Variants in ZXDC observed in about 807,000 individuals in gnomAD.
The protein encoded by ZXDC is ZXD family zinc finger C, also known as zinc finger protein ZXDC.
Under a neutral mutation model 63.6 loss-of-function variants are expected in ZXDC, and 58 were observed. The ratio of observed to expected loss-of-function variants is 0.91; its 90% CI spans 0.74 to 1.13. The LOEUF is 1.13. ZXDC is among the 50% of genes most tolerant of loss of function. The pLI is 0.00. For missense variants in ZXDC, 1,133 were observed against 1,148.9 expected (o/e 0.99, Z 0.20); for synonymous variants, 561 against 496.1 (o/e 1.13, Z -1.74).
chr3:126,451,391 C>T, intron 7 of ZXDC: 1 of 985,402 alleles, frequency 1.0e-6, no homozygotes, highest in Non-Finnish European at 1.2e-6. Context: ...ATATTATAAA[C>T]AGTCCCGCAC....
At chr3:126,468,731 G>A (rs1091370) in intron 4 of ZXDC, among the ~76,000 whole-genome samples, 86,588 of 151,912 alleles carry the variant, frequency 0.57, 26,267 homozygotes, top group South Asian at 0.74. Flanking sequence ...AGTGACCCAC[G>A]GAACCTCATC....
At position 126,475,782 on chromosome 3, in the gene ZXDC, TG is replaced by T. The variant is rs2107665444; in HGVS notation, c.83del (p.Pro28GlnfsTer96). 8.9e-7 allele frequency: 1 copy of T among 1,121,686 alleles called. No homozygotes were observed. The highest frequency in any genetic ancestry group is 1.1e-6 in the Non-Finnish European group (1 of 919,368). The allele number at this position is 1,121,686 out of a possible 1,614,324, so 69.5% of individuals were successfully genotyped here. A position where few individuals can be genotyped will look rare whatever the true frequency, so the allele number is the denominator to read the frequency against. ...GGGPGPLRRA[P>X]APLGASPARR... ...GCGCGGGGCTCGCGCCGAGCGGCGC[TG>T]GGGCTCGGCGGAGCGGGCCGGGGCC... On this transcript the variant is annotated frameshift_variant, in exon 1 of 10. Coordinates refer to ENST00000389709, the MANE Select transcript of ZXDC (RefSeq NM_025112.5). LOFTEE classifies it high-confidence loss of function.
intron 4 of ZXDC, among the ~76,000 whole-genome samples, chr3:126,466,658 T>A (rs1576686792): frequency 6.6e-6 from 1 of 152,334 alleles, no homozygotes; most frequent in East Asian, 1.9e-4. Flanking sequence ...GCTTAAATAT[T>A]CAGTTGAAAA....
chr3:126,467,149 G>T (rs568697185), intron 4 of ZXDC, among the ~76,000 whole-genome samples: 63 of 152,194 alleles, frequency 4.1e-4, no homozygotes, highest in African/African-American at 1.5e-3. Flanking sequence ...GCAGAAAAGC[G>T]GTCTCAGGAG....
chr3:126,439,885 TG>T, intron 8 of ZXDC, 158 bp from the exon 9 acceptor site: 1 of 1,435,754 alleles, frequency 7.0e-7, no homozygotes, highest in Non-Finnish European at 9.1e-7. Flanking sequence ...GAATTGTTTA[TG>T]GGGGCTGGGT....
At position 126,446,041 on chromosome 3, in the gene ZXDC, A is replaced by G. The variant is rs533830973; in HGVS notation, c.2213-4095T>C. On this transcript the variant is annotated intron_variant, in intron 7 of 9. Transcript: ENST00000389709. ...AGGGCGCCATGGCATCAAATGCAAT[A>G]TGATCAATTTAATTAATAAAGCAGT... 1.1e-3 allele frequency among the ~76,000 whole-genome samples: 170 copies of G among 152,334 alleles called. 1 individual carries two copies. The highest frequency in any genetic ancestry group is 1.6e-3 in the Non-Finnish European group (112 of 68,028).
intron 7 of ZXDC, 125 bp from the exon 8 acceptor site, chr3:126,442,071 C>A (rs182913838): frequency 2.0e-5 from 23 of 1,127,132 alleles, no homozygotes; most frequent in Non-Finnish European, 3.4e-6. Context: ...AGCTAAGAGA[C>A]GTAAAATCAC....
rs746994690 is a variant in ZXDC, at chr3:126,475,508, C to T, written c.358G>A (p.Gly120Ser). The change falls in exon 1 of 10, where the codon GGC becomes AGC. Residue 120 changes from glycine to serine, a missense_variant. By Grantham distance (56) the Gly-to-Ser change is moderately conservative. Coordinates refer to ENST00000389709, the MANE Select transcript of ZXDC (RefSeq NM_025112.5). ...GCGCCCGCCGGGGCTACGCCAGGGC[C>T]GGGGGGGGCGGCCGGGCCGCTGGGG... The part of the protein sequence containing the change: ...QGPSGPAAPP[G>S]PGVAPAGAVT... The T allele has an allele frequency of 2.4e-6, 3 of 1,243,754 alleles. No homozygotes were observed. The highest frequency in any genetic ancestry group is 2.0e-6 in the Non-Finnish European group (2 of 996,734). The allele number at this position is 1,243,754 out of a possible 1,614,324, so 77.0% of individuals were successfully genotyped here.
chr3:126,443,342 C>G (rs914562146), intron 7 of ZXDC: 1 of 152,222 alleles, frequency 6.6e-6, no homozygotes, highest in Non-Finnish European at 1.5e-5. Flanking sequence ...TTGCTTCAGA[C>G]AGAAGAGCAG....
In ZXDC at chr3:126,475,305, G is replaced by C; in HGVS notation, c.561C>G (p.Ala187=). The stretch of plus-strand genomic sequence containing the variant: ...GGTGCACCTTGAGCTGGTGCTTCTT[G>C]GCGAAGGCCAGCGCGCACTGCGGCT... ...CPEPQCALAF[A]KKHQLKVHLL... is the part of the protein sequence containing the mutation. The change falls in exon 1 of 10, where the codon GCC becomes GCG. Residue 187 remains alanine (A), a synonymous_variant. Transcript: ENST00000389709. 6.5e-7 allele frequency: 1 copy of C among 1,548,904 alleles called. No individual in the cohort carries two copies. Among genetic ancestry groups the C allele is most frequent in the Non-Finnish European group, 8.7e-7 (1 of 1,146,154 alleles).
chr3:126,459,816 A>G lies in ZXDC; in HGVS notation c.2128-79T>C, dbSNP rs1180894660. 7 of 1,610,208 alleles carry G rather than the reference A, an allele frequency of 4.3e-6. No homozygotes were observed. In the African/African-American group the frequency reaches 8.0e-5, roughly 18 times the overall value. ...GCAAGGGAGCTACAGAAGTGCCATA[A>G]GCCTGCTTCTGGGACATATCCGAGC... On this transcript the variant is annotated intron_variant, in intron 6 of 9. Coordinates refer to ENST00000389709, the MANE Select transcript of ZXDC (RefSeq NM_025112.5).
rs765929540 is a variant in ZXDC at position 126,475,269 on chromosome 3, G to A, written c.597C>T (p.His199=). ...AGGGCCGCCGGCCCTGACCGCCGCC[G>A]TGCGTGAGCAGGTGCACCTTGAGCT... is the stretch of plus-strand genomic sequence containing the variant. ...KHQLKVHLLT[H]GGGQGRRPFK... The change falls in exon 1 of 10, where the codon CAC becomes CAT. Residue 199 remains histidine (H), a synonymous_variant. Transcript: ENST00000389709. The A allele has an allele frequency of 6.5e-5, 101 of 1,553,274 alleles. No individual in the cohort carries two copies. The Middle Eastern group carries it at 6.7e-4, about 10-fold the overall frequency.
At position 126,475,317 on chromosome 3, in the gene ZXDC, C is replaced by A. The variant is rs1354673829; in HGVS notation, c.549G>T (p.Ala183=). The A allele has an allele frequency of 1.3e-6, 2 of 1,545,724 alleles. No individual in the cohort carries two copies. The highest frequency in any genetic ancestry group is 1.7e-6 in the Non-Finnish European group (2 of 1,144,352). Residue 183 remains alanine, a synonymous_variant, in exon 1 of 10, where the codon GCG becomes GCT. Coordinates refer to ENST00000389709, the MANE Select transcript of ZXDC (RefSeq NM_025112.5). ...PGYRCPEPQC[A]LAFAKKHQLK... ...GCTGGTGCTTCTTGGCGAAGGCCAGCGCGCACTGCGGCTCGGGGCAGCGGT... is the reference window on the plus strand; with the variant it reads ...GCTGGTGCTTCTTGGCGAAGGCCAGAGCGCACTGCGGCTCGGGGCAGCGGT...
In ZXDC at chr3:126,461,907, C is replaced by G; in HGVS notation, c.1755G>C (p.Gly585=). 2 of 1,614,204 alleles carry G rather than the reference C, an allele frequency of 1.2e-6. No homozygotes were observed. The highest frequency in any genetic ancestry group is 1.7e-6 in the Non-Finnish European group (2 of 1,180,048). The change falls in exon 6 of 10, where the codon GGG becomes GGC. Residue 585 remains glycine (G), a synonymous_variant. Transcript: ENST00000389709. Reference sequence around the variant, plus strand: ...CCTGCTGCAGAACCGTGGCTGCTGTCCCGAGAACCAGAGGGCTGTCCAGGC... The same window carrying G: ...CCTGCTGCAGAACCGTGGCTGCTGTGCCGAGAACCAGAGGGCTGTCCAGGC... ...PPSLDSPLVL[G]TAATVLQQGS... is the part of the protein sequence containing the mutation.
In ZXDC at chr3:126,458,807, C is replaced by A. The variant is rs1934409105; in HGVS notation, c.2212+846G>T. 6 of 985,270 alleles carry A rather than the reference C, an allele frequency of 6.1e-6. No individual in the cohort carries two copies. In the South Asian group the frequency reaches 1.9e-4, roughly 31 times the overall value. 61.0% of individuals were successfully genotyped at this position (985,270 alleles called of 1,614,324 possible). A position where few individuals can be genotyped will look rare whatever the true frequency, so the allele number is the denominator to read the frequency against. Reference sequence around the variant, plus strand: ...TTCTATTATCTCTGCAAGTTCCATTCTGGTACTTTGTGAACTGTTGAGGTG... The same window carrying A: ...TTCTATTATCTCTGCAAGTTCCATTATGGTACTTTGTGAACTGTTGAGGTG... On this transcript the variant is annotated intron_variant, in intron 7 of 9. Coordinates refer to ENST00000389709, the MANE Select transcript of ZXDC (RefSeq NM_025112.5).
intron 3 of ZXDC, 152 bp from the exon 4 acceptor site, chr3:126,471,177 G>A: frequency 8.5e-7 from 1 of 1,180,408 alleles, no homozygotes; most frequent in Middle Eastern, 2.4e-4. Context: ...TAATCCATGT[G>A]AGCAGATTTG....
intron 6 of ZXDC, 68 bp from the exon 7 acceptor site, chr3:126,459,805 G>A: frequency 6.2e-7 from 1 of 1,612,966 alleles, no homozygotes; most frequent in Non-Finnish European, 8.5e-7. Context: ...GGGAGCTACA[G>A]AAGTGCCATA....
intron 7 of ZXDC, among the ~76,000 whole-genome samples, chr3:126,458,227 A>T (rs1934385615): frequency 7.2e-6 from 1 of 137,980 alleles, no homozygotes; most frequent in Non-Finnish European, 1.5e-5. Flanking sequence ...AATTTTTTTT[A>T]ATGTCCTTAC....
At chr3:126,452,002 C>G (rs1934123284) in intron 7 of ZXDC, 14 of 985,286 alleles carry the variant, frequency 1.4e-5, no homozygotes, top group Admixed American at 6.1e-5. Context: ...AACCTCTCAT[C>G]TTCATTCTTT....
Sources: gnomAD v4.1 joint callset for allele counts (sites outside exome capture counted in the v4.1 genomes callset) on GRCh38, gnomAD v4.1.1 for gene constraint, MANE v1.5 for transcripts, NCBI Gene and HGNC (gene_info 2026-07-23, HGNC 2026-07-21) for gene names.